KCNH7: variants seen among roughly 807,000 people sequenced by gnomAD.
KCNH7 encodes the protein potassium voltage-gated channel subfamily H member 7, also known as voltage-gated inwardly rectifying potassium channel KCNH7.
KCNH7 carries 49 observed loss-of-function variants against 120.8 expected under a neutral mutation model. The ratio of observed to expected loss-of-function variants is 0.41; its 90% CI spans 0.32 to 0.51. The LOEUF (loss-of-function observed/expected upper bound fraction) is 0.51. Among genes scored for constraint, KCNH7 ranks in the 20% least tolerant of loss-of-function variants. KCNH7 has a pLI of 0.38. For missense variants in KCNH7, 1,097 were observed against 1,446.6 expected, an observed-to-expected ratio of 0.76 and a Z score of 3.92; for synonymous variants, 547 against 516.1, an observed-to-expected ratio of 1.06 and a Z score of -0.81.
At chr2:162,577,390 T>TATCTATCTATCTATCTA (rs1299759407) in intron 2 of KCNH7, among the ~76,000 whole-genome samples, 1 of 138,738 alleles carries the variant, frequency 7.2e-6, no homozygotes, top group Non-Finnish European at 1.6e-5. Flanking sequence ...TCTATCTATC[T>TATCTATCTATCTATCTA]ATCTATCCAT....
intron 2 of KCNH7, among the ~76,000 whole-genome samples, chr2:162,834,881 C>A (rs1379107033): frequency 6.6e-6 from 1 of 151,928 alleles, no homozygotes; most frequent in Non-Finnish European, 1.5e-5. Context: ...TGGAAAAATC[C>A]CTGAAATGGT....
chr2:162,828,906 A>G (rs931339638), intron 2 of KCNH7, among the ~76,000 whole-genome samples: 2 of 152,170 alleles, frequency 1.3e-5, no homozygotes, highest in Admixed American at 1.3e-4. Context: ...GACATTCTAC[A>G]AAACAGTGGG....
chr2:162,782,466 C>T (rs1051666802), intron 2 of KCNH7, among the ~76,000 whole-genome samples: 2 of 152,118 alleles, frequency 1.3e-5, no homozygotes, highest in Non-Finnish European at 2.9e-5. Context: ...TGCACAGGCA[C>T]TACAGCAGAG....
Position 162,824,727 on chromosome 2 carries a change from A to G in KCNH7, c.307+11810T>C, listed in dbSNP as rs1295173100. Reference sequence around the variant, plus strand: ...GTAATTTTGAGCATTTGATGTCACTATAAGTGGCATTTCATAAGTGAATTT... The same window carrying G: ...GTAATTTTGAGCATTTGATGTCACTGTAAGTGGCATTTCATAAGTGAATTT... On this transcript the variant is annotated intron_variant, in intron 2 of 15. Transcript: ENST00000332142. Among the ~76,000 whole-genome samples the G allele has an allele frequency of 2.6e-5, 4 of 152,218 alleles. 1 individual carries two copies. The highest frequency in any genetic ancestry group is 2.9e-5 in the Non-Finnish European group (2 of 67,982).
intron 2 of KCNH7, among the ~76,000 whole-genome samples, chr2:162,821,280 G>A (rs1245270602): frequency 1.3e-5 from 2 of 152,158 alleles, no homozygotes; most frequent in Non-Finnish European, 1.5e-5. Flanking sequence ...ACTTACTATG[G>A]TTCACAAAAC....
intron 2 of KCNH7, among the ~76,000 whole-genome samples, chr2:162,622,631 T>G (rs1683403974): frequency 1.3e-5 from 2 of 152,200 alleles, no homozygotes; most frequent in African/African-American, 4.8e-5. Flanking sequence ...AGGTCCAAAC[T>G]TGTGTCTCTT....
chr2:162,577,348 C>CTTATCTAT (rs1257647069), intron 2 of KCNH7, among the ~76,000 whole-genome samples: 1 of 131,356 alleles, frequency 7.6e-6, no homozygotes, highest in African/African-American at 2.9e-5. Flanking sequence ...ATCTATCCAT[C>CTTATCTAT]CTATCTATCT....
intron 5 of KCNH7, among the ~76,000 whole-genome samples, chr2:162,511,336 C>G (rs1004995375): frequency 1.3e-5 from 2 of 151,612 alleles, no homozygotes; most frequent in African/African-American, 4.8e-5. Context: ...TACTAATTTA[C>G]TGCTAATTGT....
intron 2 of KCNH7, among the ~76,000 whole-genome samples, chr2:162,661,084 T>C (rs1331346923): frequency 6.6e-6 from 1 of 152,196 alleles, no homozygotes; most frequent in Non-Finnish European, 1.5e-5. Flanking sequence ...TTTCAAAATG[T>C]TTTGAAGAAT....
intron 6 of KCNH7, among the ~76,000 whole-genome samples, chr2:162,457,171 G>A (rs1688992570): frequency 6.6e-6 from 1 of 152,000 alleles, no homozygotes; most frequent in Non-Finnish European, 1.5e-5. Context: ...AACATGAATA[G>A]GATTCTAAGA....
Position 162,596,241 on chromosome 2 carries a change from A to G in KCNH7, c.308-59161T>C, listed in dbSNP as rs568542212. On this transcript the variant is annotated intron_variant, in intron 2 of 15. Coordinates refer to ENST00000332142, the MANE Select transcript of KCNH7 (RefSeq NM_033272.4). Reference sequence around the variant, plus strand: ...ATGTGGAACTACAAAAGACCCAGATAGCCACAGCAAATCTAGAGCAAAAGG... The same window carrying G: ...ATGTGGAACTACAAAAGACCCAGATGGCCACAGCAAATCTAGAGCAAAAGG... 2.0e-5 allele frequency among the ~76,000 whole-genome samples: 3 copies of G among 152,184 alleles called. No individual in the cohort carries two copies. The East Asian group carries it at 5.8e-4, about 29-fold the overall frequency.
intron 14 of KCNH7, among the ~76,000 whole-genome samples, chr2:162,379,117 G>A (rs994171832): frequency 1.3e-5 from 2 of 152,094 alleles, no homozygotes; most frequent in African/African-American, 4.8e-5. Flanking sequence ...TTTTAATTTA[G>A]TCAGTGCAGT....
At chr2:162,468,958 C>T (rs1042752390) in intron 6 of KCNH7, among the ~76,000 whole-genome samples, 1 of 152,056 alleles carries the variant, frequency 6.6e-6, no homozygotes, top group Non-Finnish European at 1.5e-5. Flanking sequence ...CCAGGTGACC[C>T]TCCCTCCTCA....
At chr2:162,607,322 G>A (rs1418030241) in intron 2 of KCNH7, among the ~76,000 whole-genome samples, 1 of 151,690 alleles carries the variant, frequency 6.6e-6, no homozygotes, top group African/African-American at 2.4e-5. Flanking sequence ...CCCAGCAGGT[G>A]GAAGTTGCAG....
At chr2:162,692,824 A>G (rs867413718) in intron 2 of KCNH7, among the ~76,000 whole-genome samples, 1 of 152,172 alleles carries the variant, frequency 6.6e-6, no homozygotes, top group African/African-American at 2.4e-5. Context: ...AATGAAATCC[A>G]ATAAAAGTAA....
chr2:162,483,301 A>T (rs1039097099), intron 6 of KCNH7, among the ~76,000 whole-genome samples: 2 of 152,176 alleles, frequency 1.3e-5, no homozygotes, highest in Admixed American at 6.6e-5. Flanking sequence ...ATCATGTAGA[A>T]TGAAGTGGGT....
intron 7 of KCNH7, among the ~76,000 whole-genome samples, chr2:162,444,293 C>T (rs1489332477): frequency 6.6e-6 from 1 of 152,102 alleles, no homozygotes; most frequent in Non-Finnish European, 1.5e-5. Flanking sequence ...CAGTGGCTGT[C>T]ACTTTGAAGG....
intron 2 of KCNH7, among the ~76,000 whole-genome samples, chr2:162,777,625 G>A (rs1205122424): frequency 6.6e-6 from 1 of 152,100 alleles, no homozygotes. Flanking sequence ...CTGTATTACA[G>A]TATCTCATTT....
At chr2:162,590,321 A>C (rs933435945) in intron 2 of KCNH7, among the ~76,000 whole-genome samples, 1 of 152,120 alleles carries the variant, frequency 6.6e-6, no homozygotes, top group Non-Finnish European at 1.5e-5. Flanking sequence ...GCACCTCCTG[A>C]AGCTTGAGCA....
Sources: allele counts gnomAD v4.1 joint callset (sites outside exome capture counted in the v4.1 genomes callset), GRCh38; gene constraint gnomAD v4.1.1; transcripts MANE v1.5; gene names NCBI Gene and HGNC (gene_info 2026-07-23, HGNC 2026-07-21).